The following CREB5 variants were observed in gnomAD, a reference collection of about 807,000 sequenced individuals.
The protein encoded by CREB5 is cAMP responsive element binding protein 5.
A neutral mutation model predicts 57.1 loss-of-function variants in CREB5; 19 were observed. The observed-to-expected ratio is 0.33, with a 90% CI of 0.23 to 0.49. The LOEUF is 0.49. CREB5 is among the 20% of genes least tolerant of loss of function. The probability of loss-of-function intolerance (pLI) is 0.99; values close to 1 mark genes in which losing one functional copy is unlikely to be tolerated. For missense variants in CREB5, 579 were observed against 671.6 expected (o/e 0.86, Z 1.52); for synonymous variants, 238 against 238.3 (o/e 1.00, Z 0.01).
chr7:28,673,583 A>G (rs373832253), intron 5 of CREB5, among the ~76,000 whole-genome samples: 3 of 146,824 alleles, frequency 2.0e-5, no homozygotes, highest in African/African-American at 7.5e-5. Context: ...TTTTAGTTTT[A>G]TCCTTTTTGC....
chr7:28,459,094 A>G (rs79563561), intron 1 of CREB5, among the ~76,000 whole-genome samples: 4,953 of 152,226 alleles, frequency 0.033, 119 homozygotes, highest in South Asian at 0.072. Flanking sequence ...CCCCACACCC[A>G]TCCAGTGACC....
intron 7 of CREB5, among the ~76,000 whole-genome samples, chr7:28,746,389 A>G (rs911474856): frequency 2.6e-5 from 4 of 152,202 alleles, no homozygotes; most frequent in Non-Finnish European, 2.9e-5. Context: ...AAATTTTAAT[A>G]ATCTAAGGCC....
chr7:28,639,052 G>A (rs1180748652), intron 5 of CREB5, among the ~76,000 whole-genome samples: 1 of 152,166 alleles, frequency 6.6e-6, no homozygotes, highest in African/African-American at 2.4e-5. Context: ...CATGTAGTGT[G>A]CATACCTGGC....
chr7:28,478,842 T>C (rs1278536001), intron 1 of CREB5, among the ~76,000 whole-genome samples: 1 of 152,196 alleles, frequency 6.6e-6, no homozygotes, highest in African/African-American at 2.4e-5. Context: ...CTTAGTCATC[T>C]CTCTCCTCTA....
rs1224502131 is a variant in CREB5 at position 28,551,975 on chromosome 7, TTC to T, written c.292-18380_292-18379del. 8.2e-3 allele frequency among the ~76,000 whole-genome samples: 1,093 copies of T among 132,742 alleles called. 36 individuals are homozygous for T. The highest frequency in any genetic ancestry group is 0.03 in the African/African-American group (1,024 of 34,148). 87.1% of individuals were successfully genotyped at this position (132,742 alleles called of 152,430 possible). Reference sequence around the variant, plus strand: ...ATTCTTTCTCTTTTTTATTCTCTCTTTCTCTCTCTCTTTCTCTCTTTTCTCTC... The same window carrying T: ...ATTCTTTCTCTTTTTTATTCTCTCTTTCTCTCTCTTTCTCTCTTTTCTCTC... On this transcript the variant is annotated intron_variant, in intron 4 of 10. Transcript: ENST00000357727.
intron 5 of CREB5, among the ~76,000 whole-genome samples, chr7:28,638,973 A>T (rs188388002): frequency 1.3e-5 from 2 of 152,246 alleles, no homozygotes; most frequent in East Asian, 3.9e-4. Context: ...AAATTAACAG[A>T]TCTGCTTATT....
rs1240662799 is a variant in CREB5, at chr7:28,560,899, TGCGCGC to T, written c.292-9464_292-9459del. Among the ~76,000 whole-genome samples, 13 of 18,666 alleles carry T rather than the reference TGCGCGC, an allele frequency of 7.0e-4. 1 individual carries two copies. Among genetic ancestry groups the T allele is most frequent in the African/African-American group, 1.0e-3 (4 of 4,012 alleles). 12.2% of individuals were successfully genotyped at this position (18,666 alleles called of 152,430 possible). A position where few individuals can be genotyped will look rare whatever the true frequency, so the allele number is the denominator to read the frequency against. On this transcript the variant is annotated intron_variant, in intron 4 of 10. Transcript: ENST00000357727. ...GCGTGCGTGCGTGCGTGTGTGTGCGTGCGCGCGTGCGTGTGCGTGTGTGCGCGTGCG... is the reference window on the plus strand; with the variant it reads ...GCGTGCGTGCGTGCGTGTGTGTGCGTGTGCGTGTGCGTGTGTGCGCGTGCG...
At position 28,664,967 on chromosome 7, in the gene CREB5, T is replaced by C. The variant is rs528304816; in HGVS notation, c.465-53786T>C. On this transcript the variant is annotated intron_variant, in intron 5 of 10. Transcript: ENST00000357727. Reference sequence around the variant, plus strand: ...GTCTGTGATCTCAGGCTATTAAATATTATCCGGCTCTTTCTGGTCATCATA... The same window carrying C: ...GTCTGTGATCTCAGGCTATTAAATACTATCCGGCTCTTTCTGGTCATCATA... Among the ~76,000 whole-genome samples the C allele has an allele frequency of 2.0e-5, 3 of 152,330 alleles. No individual in the cohort carries two copies. The South Asian group carries it at 6.2e-4, about 32-fold the overall frequency.
chr7:28,555,217 A>G (rs1467606169), intron 4 of CREB5, among the ~76,000 whole-genome samples: 5 of 152,144 alleles, frequency 3.3e-5, no homozygotes, highest in African/African-American at 7.2e-5. Flanking sequence ...GCAACATACA[A>G]GACAAAGCAT....
chr7:28,440,956 GT>G (rs960074665), intron 1 of CREB5, among the ~76,000 whole-genome samples: 152 of 152,114 alleles, frequency 1.0e-3, no homozygotes, highest in African/African-American at 3.5e-3. Flanking sequence ...TTTTGTAAAT[GT>G]TTTGGTTTCA....
chr7:28,611,725 G>T (rs1011058852), intron 5 of CREB5, among the ~76,000 whole-genome samples: 1 of 148,608 alleles, frequency 6.7e-6, no homozygotes, highest in Non-Finnish European at 1.5e-5. Flanking sequence ...AAATATATAT[G>T]TGCGAGGTAG....
Position 28,570,403 on chromosome 7 carries a change from G to A in CREB5, c.330G>A (p.Thr110=), listed in dbSNP as rs537303404. Residue 110 remains threonine, a synonymous_variant, in exon 5 of 11, where the codon ACG becomes ACA. Coordinates refer to ENST00000357727, the MANE Select transcript of CREB5 (RefSeq NM_182898.4). ...ATAATGCAGTTGGTGGGGCCATGAC[G>A]GGGCCCGGAACTCACCAGCTTAGCA... is the stretch of plus-strand genomic sequence containing the variant. ...SMHNAVGGAM[T]GPGTHQLSSA... The A allele has an allele frequency of 5.6e-6, 9 of 1,613,952 alleles. No homozygotes were observed. Among genetic ancestry groups the A allele is most frequent in the African/African-American group, 4.0e-5 (3 of 75,034 alleles).
chr7:28,752,176 C>CT (rs1157943762), intron 7 of CREB5, among the ~76,000 whole-genome samples: 1 of 151,884 alleles, frequency 6.6e-6, no homozygotes, highest in Non-Finnish European at 1.5e-5. Context: ...GTAATTTTTT[C>CT]TTTTTTTGGA....
chr7:28,384,389 C>T (rs1787035734), intron 1 of CREB5, among the ~76,000 whole-genome samples: 1 of 152,110 alleles, frequency 6.6e-6, no homozygotes. Flanking sequence ...CCTATTGCTG[C>T]TGCTGTAACA....
At chr7:28,568,280 G>A (rs1033203653) in intron 4 of CREB5, among the ~76,000 whole-genome samples, 1 of 152,130 alleles carries the variant, frequency 6.6e-6, no homozygotes, top group Non-Finnish European at 1.5e-5. Context: ...AAATTGTACA[G>A]CATCAATAAT....
chr7:28,458,386 A>T (rs1790207700), intron 1 of CREB5, among the ~76,000 whole-genome samples: 1 of 152,230 alleles, frequency 6.6e-6, no homozygotes, highest in Non-Finnish European at 1.5e-5. Context: ...TGGATTGCAA[A>T]TGTGCATGAC....
At chr7:28,788,791 C>T (rs1008129132) in intron 7 of CREB5, among the ~76,000 whole-genome samples, 1 of 151,034 alleles carries the variant, frequency 6.6e-6, no homozygotes, top group African/African-American at 2.4e-5. Context: ...TGCCATTACC[C>T]TAGCTGAAGT....
At chr7:28,405,665 T>A (rs2128000416) in intron 1 of CREB5, among the ~76,000 whole-genome samples, 1 of 152,232 alleles carries the variant, frequency 6.6e-6, no homozygotes, top group East Asian at 1.9e-4. Context: ...TATCCTCCCG[T>A]CTCAGCCTCC....
chr7:28,421,060 T>G (rs527866114), intron 1 of CREB5, among the ~76,000 whole-genome samples: 1 of 152,280 alleles, frequency 6.6e-6, no homozygotes, highest in African/African-American at 2.4e-5. Flanking sequence ...TATGTAGCAG[T>G]GAAGTCTGGG....
Sources: allele counts gnomAD v4.1 joint callset (sites outside exome capture counted in the v4.1 genomes callset), GRCh38; gene constraint gnomAD v4.1.1; transcripts MANE v1.5; gene names NCBI Gene and HGNC (gene_info 2026-07-23, HGNC 2026-07-21).